The following PCDHGA7 variants were observed in gnomAD, a reference collection of about 807,000 sequenced individuals.
PCDHGA7 encodes protocadherin gamma subfamily A, 7, also known as protocadherin gamma-A7.
In PCDHGA7, 44 loss-of-function variants were observed where a neutral mutation model predicts 58.3. That is an observed-to-expected ratio of 0.75 (90% CI 0.59 to 0.97). PCDHGA7 has a LOEUF of 0.97. Ranked by LOEUF, PCDHGA7 falls within the 50% of genes least tolerant of loss-of-function variation. The probability of loss-of-function intolerance (pLI) is 0.00; values close to 1 mark genes in which losing one functional copy is unlikely to be tolerated. For missense variants in PCDHGA7, 1,266 were observed against 1,188.7 expected, an observed-to-expected ratio of 1.06 and a Z score of -0.96; for synonymous variants, 516 against 504.2, an observed-to-expected ratio of 1.02 and a Z score of -0.31.
chr5:141,483,255 GTTTT>G (rs147039946), intron 1 of PCDHGA7, among the ~76,000 whole-genome samples: 7,425 of 152,114 alleles, frequency 0.049, 355 homozygotes, highest in African/African-American at 0.13. Context: ...ATATCATGAG[GTTTT>G]TTTGTTTTAG....
intron 1 of PCDHGA7, chr5:141,403,467 T>G: frequency 6.2e-7 from 1 of 1,614,020 alleles, no homozygotes; most frequent in Non-Finnish European, 8.5e-7. Context: ...AGCTACCAGC[T>G]CAGCCCCAAT....
At chr5:141,417,932 T>A (rs1398348549) in intron 1 of PCDHGA7, 2 of 1,611,670 alleles carry the variant, frequency 1.2e-6, no homozygotes, top group East Asian at 4.5e-5. Flanking sequence ...GCTGCCTTTG[T>A]TCTACCCCAC....
chr5:141,482,546 A>G (rs1489817593), intron 1 of PCDHGA7, among the ~76,000 whole-genome samples: 1 of 151,868 alleles, frequency 6.6e-6, no homozygotes, highest in Non-Finnish European at 1.5e-5. Context: ...AAAAAAAAAA[A>G]AAAGATAATG....
At position 141,487,100 on chromosome 5, in the gene PCDHGA7, C is replaced by T. The variant is rs183291629; in HGVS notation, c.2425-7707C>T. On this transcript the variant is annotated intron_variant, in intron 1 of 3. Coordinates refer to ENST00000518325, the MANE Select transcript of PCDHGA7 (RefSeq NM_018920.4). The surrounding 1 kb of genome is among the most constrained non-coding windows in gnomAD (Gnocchi z 5.0). ...CCCAGCTGACCTCCCACCACAGAAG[C>T]TGGTCATTGTGGTAAAGGATAGTGG... The T allele has an allele frequency of 5.6e-4, 909 of 1,614,074 alleles. 2 individuals carry two copies. Among genetic ancestry groups the T allele is most frequent in the Non-Finnish European group, 1.4e-4 (168 of 1,179,960 alleles).
chr5:141,431,678 T>G lies in PCDHGA7; in HGVS notation c.2424+46355T>G. The G allele has an allele frequency of 6.2e-7, 1 of 1,614,084 alleles. No homozygotes were observed. Among genetic ancestry groups the G allele is most frequent in the Non-Finnish European group, 8.5e-7 (1 of 1,180,022 alleles). On this transcript the variant is annotated intron_variant, in intron 1 of 3. Transcript: ENST00000518325. This position sits in a 1 kb window ranked among gnomAD's most constrained non-coding sequence, Gnocchi z 4.8. ...AGGGACAATATCAACAATAGGGGAGTTGGACCACGAGGAGTCAGGATTCTA... is the reference window on the plus strand; with the variant it reads ...AGGGACAATATCAACAATAGGGGAGGTGGACCACGAGGAGTCAGGATTCTA...
intron 1 of PCDHGA7, chr5:141,400,541 T>C: frequency 6.2e-7 from 1 of 1,613,832 alleles, no homozygotes; most frequent in Admixed American, 1.7e-5. Flanking sequence ...TTCATTTATG[T>C]CTATTCTTTT....
intron 1 of PCDHGA7, among the ~76,000 whole-genome samples, chr5:141,387,209 T>C (rs911946032): frequency 1.3e-5 from 2 of 152,170 alleles, no homozygotes; most frequent in African/African-American, 4.8e-5. Flanking sequence ...ACTGATACTC[T>C]CCGGAAAAAG....
At chr5:141,433,694 G>T (rs539494151) in intron 1 of PCDHGA7, among the ~76,000 whole-genome samples, 1 of 152,126 alleles carries the variant, frequency 6.6e-6, no homozygotes, top group South Asian at 2.1e-4. Flanking sequence ...AAAATTAGCC[G>T]GGCGTGGTGG....
intron 1 of PCDHGA7, among the ~76,000 whole-genome samples, chr5:141,435,451 CTGTA>C: frequency 6.6e-6 from 1 of 152,258 alleles, no homozygotes; most frequent in Non-Finnish European, 1.5e-5. Context: ...AATACGATAT[CTGTA>C]TGTGTTTCCA....
rs374140638 is a variant in PCDHGA7 at position 141,487,759 on chromosome 5, C to T, written c.2425-7048C>T. ...TTGTAAGAGGTAACTATGTGGTAGA[C>T]GCTGTGCTTTGTAACTGTTTCGTGA... On this transcript the variant is annotated intron_variant, in intron 1 of 3. Transcript: ENST00000518325. The surrounding 1 kb of genome is among the most constrained non-coding windows in gnomAD (Gnocchi z 5.0). 45 of 1,546,278 alleles carry T rather than the reference C, an allele frequency of 2.9e-5. No individual in the cohort carries two copies. The highest frequency in any genetic ancestry group is 1.1e-4 in the African/African-American group (8 of 73,160).
chr5:141,399,902 C>T, intron 1 of PCDHGA7: 3 of 1,612,490 alleles, frequency 1.9e-6, no homozygotes, highest in Non-Finnish European at 8.5e-7. Context: ...GCCGTGGACG[C>T]AGACTCAGGA....
In PCDHGA7 at chr5:141,432,365, G is replaced by A. The variant is rs1561860587; in HGVS notation, c.2424+47042G>A. The A allele has an allele frequency of 6.2e-7, 1 of 1,614,224 alleles. No homozygotes were observed. The highest frequency in any genetic ancestry group is 2.2e-5 in the East Asian group (1 of 44,882). ...CTTGCAAGTGAAAGTGATGGCGCGG[G>A]ACAACGGGCACCCGCCCCTCAGCAG... On this transcript the variant is annotated intron_variant, in intron 1 of 3. Transcript: ENST00000518325. The surrounding 1 kb of genome is among the most constrained non-coding windows in gnomAD (Gnocchi z 6.0).
intron 2 of PCDHGA7, among the ~76,000 whole-genome samples, chr5:141,503,984 C>T (rs967348519): frequency 2.0e-5 from 3 of 152,184 alleles, no homozygotes; most frequent in African/African-American, 7.2e-5. Context: ...AACCCTTCTT[C>T]TTACCTTACA....
At chr5:141,406,574 C>A (rs941574087) in intron 1 of PCDHGA7, among the ~76,000 whole-genome samples, 1 of 152,164 alleles carries the variant, frequency 6.6e-6, no homozygotes, top group African/African-American at 2.4e-5. Context: ...CCCTAGTAAA[C>A]CAATTTTTTC....
intron 1 of PCDHGA7, chr5:141,393,081 A>T (rs1005323306): frequency 6.2e-7 from 1 of 1,613,672 alleles, no homozygotes; most frequent in South Asian, 1.1e-5. Flanking sequence ...CGCGGGCAGG[A>T]TAGATCGGGA....
At chr5:141,417,789 C>G in intron 1 of PCDHGA7, 1 of 1,477,596 alleles carries the variant, frequency 6.8e-7, no homozygotes, top group Non-Finnish European at 9.0e-7. Context: ...GGGCCGAATG[C>G]TCTTTTAGCG....
At chr5:141,398,036 A>C (rs151208588) in intron 1 of PCDHGA7, 2 of 1,478,020 alleles carry the variant, frequency 1.4e-6, no homozygotes, top group African/African-American at 2.8e-5. Context: ...CTGGAACTAA[A>C]GCCCGTTCGG....
intron 1 of PCDHGA7, among the ~76,000 whole-genome samples, chr5:141,425,382 G>A (rs1455106607): frequency 1.3e-5 from 2 of 152,208 alleles, no homozygotes; most frequent in African/African-American, 4.8e-5. Context: ...TTGATTCGGA[G>A]GTAGTGATAA....
intron 1 of PCDHGA7, among the ~76,000 whole-genome samples, chr5:141,457,477 C>A (rs964080100): frequency 2.0e-5 from 3 of 152,134 alleles, no homozygotes; most frequent in African/African-American, 7.2e-5. Context: ...TAAGCAGGGC[C>A]AGGGTTAGTC....
Sources: allele counts gnomAD v4.1 joint callset (sites outside exome capture counted in the v4.1 genomes callset), GRCh38; gene constraint gnomAD v4.1.1; non-coding constraint Gnocchi (gnomAD v3.1); transcripts MANE v1.5; gene names NCBI Gene and HGNC (gene_info 2026-07-23, HGNC 2026-07-21).